Variants in WWOX observed in about 807,000 individuals in gnomAD.
WWOX encodes the protein WW domain containing oxidoreductase, also known as WW domain-containing oxidoreductase.
Under a neutral mutation model 46.2 loss-of-function variants are expected in WWOX, and 69 were observed. The observed-to-expected ratio is 1.49, with a 90% confidence interval of 1.23 to 1.82. The LOEUF is 1.82. Ranked by LOEUF, WWOX falls within the 40% of genes most tolerant of loss-of-function variation. The pLI is 0.00. For synonymous variants in WWOX, 359 were observed against 202.6 expected (o/e 1.77, Z -6.56); for missense variants, 919 against 542.6 (o/e 1.69, Z -6.89).
intron 6 of WWOX, among the ~76,000 whole-genome samples, chr16:78,393,057 C>G (rs2082210375): frequency 6.6e-6 from 1 of 152,092 alleles, no homozygotes; most frequent in African/African-American, 2.4e-5. Flanking sequence ...AAGTTCCACC[C>G]AAACTGGCTT....
intron 8 of WWOX, among the ~76,000 whole-genome samples, chr16:78,887,965 C>A (rs1385363191): frequency 6.6e-6 from 1 of 152,156 alleles, no homozygotes; most frequent in African/African-American, 2.4e-5. Flanking sequence ...CAAACAATTT[C>A]TAAATAAAAC....
At chr16:78,732,782 T>C (rs955091602) in intron 8 of WWOX, among the ~76,000 whole-genome samples, 1 of 152,216 alleles carries the variant, frequency 6.6e-6, no homozygotes, top group African/African-American at 2.4e-5. Flanking sequence ...TGGACTGTTT[T>C]CTTATGGTTT....
At chr16:78,341,760 G>T (rs1408985294) in intron 5 of WWOX, among the ~76,000 whole-genome samples, 1 of 120,856 alleles carries the variant, frequency 8.3e-6, no homozygotes, top group African/African-American at 2.8e-5. Context: ...ATGTGGACAT[G>T]TCTGAGGCCA....
chr16:78,346,749 G>C (rs1567515121), intron 5 of WWOX, among the ~76,000 whole-genome samples: 1 of 120,348 alleles, frequency 8.3e-6, no homozygotes, highest in Non-Finnish European at 2.0e-5. Flanking sequence ...CTGTTGCCCA[G>C]TCTGGAGAGC....
intron 8 of WWOX, among the ~76,000 whole-genome samples, chr16:78,912,315 G>A (rs1033597473): frequency 6.6e-6 from 1 of 151,974 alleles, no homozygotes; most frequent in Non-Finnish European, 1.5e-5. Context: ...TGCACCTTAT[G>A]TGTGTTATTT....
At chr16:78,932,503 TCTTGCAAAC>T (rs2045645229) in intron 8 of WWOX, among the ~76,000 whole-genome samples, 1 of 152,200 alleles carries the variant, frequency 6.6e-6, no homozygotes, top group Non-Finnish European at 1.5e-5. Context: ...TTTTTCCTGC[TCTTGCAAAC>T]CTTGAAGTGG....
intron 8 of WWOX, among the ~76,000 whole-genome samples, chr16:78,486,901 G>T (rs2084652010): frequency 6.6e-6 from 1 of 152,154 alleles, no homozygotes; most frequent in African/African-American, 2.4e-5. Context: ...TTGCACCTTG[G>T]GTTCGGGTGA....
chr16:78,349,196 TG>T (rs2081145542), intron 5 of WWOX, among the ~76,000 whole-genome samples: 1 of 120,380 alleles, frequency 8.3e-6, no homozygotes, highest in Non-Finnish European at 2.0e-5. Flanking sequence ...CACGCATCCC[TG>T]GTTTCTTTTC....
chr16:78,475,269 C>T (rs1240440603), intron 8 of WWOX, among the ~76,000 whole-genome samples: 2 of 152,226 alleles, frequency 1.3e-5, no homozygotes, highest in African/African-American at 4.8e-5. Context: ...TTTATCTTCT[C>T]CTCCCTGTGT....
intron 8 of WWOX, among the ~76,000 whole-genome samples, chr16:79,057,598 G>A (rs555206389): frequency 1.3e-5 from 2 of 151,940 alleles, no homozygotes; most frequent in South Asian, 4.2e-4. Context: ...GGGGGCACCA[G>A]TGTGAGTCCT....
chr16:78,362,589 A>G (rs952157847), intron 5 of WWOX, among the ~76,000 whole-genome samples: 2 of 152,100 alleles, frequency 1.3e-5, no homozygotes, highest in Non-Finnish European at 2.9e-5. Flanking sequence ...AGCCTGGGCA[A>G]TGGAGCAAGA....
chr16:78,415,813 AC>A (rs2082784976), intron 6 of WWOX, among the ~76,000 whole-genome samples: 1 of 151,298 alleles, frequency 6.6e-6, no homozygotes, highest in South Asian at 2.1e-4. Context: ...ATTGATGACA[AC>A]CCCCGCCCCC....
intron 8 of WWOX, among the ~76,000 whole-genome samples, chr16:78,781,006 G>A (rs375852441): frequency 3.2e-4 from 49 of 152,276 alleles, no homozygotes; most frequent in African/African-American, 6.7e-4. Flanking sequence ...AAGGAGTGCC[G>A]TGACTCCTCT....
At chr16:78,643,699 C>T (rs542703062) in intron 8 of WWOX, among the ~76,000 whole-genome samples, 168 of 152,130 alleles carry the variant, frequency 1.1e-3, no homozygotes, top group Non-Finnish European at 1.8e-3. Flanking sequence ...CTATGATATA[C>T]GGGTTCCTTA....
intron 8 of WWOX, among the ~76,000 whole-genome samples, chr16:79,150,884 G>A (rs977114295): frequency 1.3e-5 from 2 of 152,110 alleles, no homozygotes; most frequent in African/African-American, 4.8e-5. Context: ...AAATACATCC[G>A]CAGTCCAGAT....
intron 8 of WWOX, among the ~76,000 whole-genome samples, chr16:78,870,553 C>T (rs1378644137): frequency 6.6e-6 from 1 of 151,718 alleles, no homozygotes; most frequent in Admixed American, 6.6e-5. Context: ...TGTAATTCTT[C>T]CTCCTCTTCT....
At chr16:79,171,971 G>C (rs1306721928) in intron 8 of WWOX, among the ~76,000 whole-genome samples, 1 of 152,170 alleles carries the variant, frequency 6.6e-6, no homozygotes, top group Non-Finnish European at 1.5e-5. Context: ...TTCAGATGCA[G>C]TTGGCAGTTT....
intron 8 of WWOX, among the ~76,000 whole-genome samples, chr16:79,141,566 T>A (rs1409639651): frequency 6.6e-6 from 1 of 152,238 alleles, no homozygotes; most frequent in Non-Finnish European, 1.5e-5. Context: ...GCTCTTTGGC[T>A]TTGTAGAAGG....
chr16:78,314,699 TTG>T (rs1491587999), intron 5 of WWOX, among the ~76,000 whole-genome samples: 18 of 68,304 alleles, frequency 2.6e-4, no homozygotes, highest in African/African-American at 1.5e-3. Flanking sequence ...TTTTTTTTTT[TTG>T]TTTTTTTTTT....
Sources: gnomAD v4.1 joint callset for allele counts (sites outside exome capture counted in the v4.1 genomes callset) on GRCh38, gnomAD v4.1.1 for gene constraint, MANE v1.5 for transcripts, NCBI Gene and HGNC (gene_info 2026-07-23, HGNC 2026-07-21) for gene names.